The following C12orf42 variants were observed in gnomAD, a reference collection of about 807,000 sequenced individuals.
C12orf42 encodes uncharacterized protein C12orf42.
C12orf42 carries 25 observed loss-of-function variants against 21.6 expected under a neutral mutation model. The ratio of observed to expected loss-of-function variants is 1.16; its 90% CI spans 0.84 to 1.62. The LOEUF (loss-of-function observed/expected upper bound fraction) is 1.62. Among genes scored for constraint, C12orf42 ranks in the 40% most tolerant of loss-of-function variants. The pLI is 0.00. For missense variants in C12orf42, 483 were observed against 459.3 expected, an observed-to-expected ratio of 1.05 and a Z score of -0.47; for synonymous variants, 174 against 175.0, an observed-to-expected ratio of 0.99 and a Z score of 0.05.
intron 2 of C12orf42, among the ~76,000 whole-genome samples, chr12:103,472,445 C>T (rs1156913070): frequency 6.6e-6 from 1 of 152,172 alleles, no homozygotes; most frequent in Non-Finnish European, 1.5e-5. Context: ...CTATTTGGTA[C>T]ATTTAGCAAA....
At chr12:103,523,392 A>G in the C12orf42 span, among the ~76,000 whole-genome samples, 6 of 152,140 alleles carry the variant, frequency 3.9e-5, no homozygotes, top group African/African-American at 1.4e-4. Context: ...TGTCTTCTCT[A>G]TCAATAATAG....
chr12:103,216,788 T>A, the C12orf42 span, among the ~76,000 whole-genome samples: 1 of 152,226 alleles, frequency 6.6e-6, no homozygotes, highest in South Asian at 2.1e-4. Context: ...TTCCCCAAGG[T>A]CACACTGAGG....
the C12orf42 span, among the ~76,000 whole-genome samples, chr12:103,216,630 G>A: frequency 5.3e-5 from 8 of 151,694 alleles, no homozygotes; most frequent in Non-Finnish European, 7.4e-5. Context: ...CACCCGCCTC[G>A]GCCTCCTAAA....
intron 1 of C12orf42, among the ~76,000 whole-genome samples, chr12:103,482,890 C>T (rs1481705454): frequency 6.6e-6 from 1 of 152,072 alleles, no homozygotes; most frequent in Non-Finnish European, 1.5e-5. Flanking sequence ...TTCTTATCTA[C>T]TATTTAACTT....
chr12:103,507,936 C>G, the C12orf42 span, among the ~76,000 whole-genome samples: 3 of 152,100 alleles, frequency 2.0e-5, no homozygotes, highest in African/African-American at 7.2e-5. Flanking sequence ...GTGCCTCAAC[C>G]CCGACTACCG....
intron 4 of C12orf42, among the ~76,000 whole-genome samples, chr12:103,322,119 GCGCGCGCACA>G (rs796312096): frequency 2.7e-4 from 25 of 93,924 alleles, no homozygotes; most frequent in South Asian, 2.3e-3. Context: ...GCGTGCGCGC[GCGCGCGCACA>G]CACACACACA....
At position 103,495,750 on chromosome 12, in the gene C12orf42, C is replaced by T. The variant is rs916541451; in HGVS notation, c.-22+152G>A. 10 of 152,454 alleles carry T rather than the reference C, an allele frequency of 6.6e-5. No homozygotes were observed. In the East Asian group the frequency reaches 9.7e-4, roughly 15 times the overall value. The allele number at this position is 152,454 out of a possible 1,614,324, so 9.4% of individuals were successfully genotyped here. A position where few individuals can be genotyped will look rare whatever the true frequency, so the allele number is the denominator to read the frequency against. On this transcript the variant is annotated intron_variant, in intron 1 of 5. Transcript: ENST00000548883. ...GCTCGGGGGCCGGCGACCACCGCGACGGGTTCCGCCGCTTGCCTCCGCTCC... is the reference window on the plus strand; with the variant it reads ...GCTCGGGGGCCGGCGACCACCGCGATGGGTTCCGCCGCTTGCCTCCGCTCC...
chr12:103,304,665 T>C (rs2038087982), intron 5 of C12orf42, among the ~76,000 whole-genome samples: 1 of 152,194 alleles, frequency 6.6e-6, no homozygotes, highest in Admixed American at 6.5e-5. Flanking sequence ...AAGAGAGTCA[T>C]GAGGATCAAA....
At chr12:103,123,160 G>A in the C12orf42 span, among the ~76,000 whole-genome samples, 155 of 152,308 alleles carry the variant, frequency 1.0e-3, no homozygotes, top group Admixed American at 5.0e-3. Context: ...AGAATTTATC[G>A]TGGTCGGTGT....
At chr12:103,106,535 T>C in the C12orf42 span, among the ~76,000 whole-genome samples, 1 of 151,964 alleles carries the variant, frequency 6.6e-6, no homozygotes, top group South Asian at 2.1e-4. Context: ...GCATGAGTGA[T>C]CTAAGTTTTT....
At chr12:103,252,994 G>T (rs987572778) in intron 10 of C12orf42, among the ~76,000 whole-genome samples, 2 of 152,118 alleles carry the variant, frequency 1.3e-5, no homozygotes, top group African/African-American at 2.4e-5. Flanking sequence ...AAGGTGTAAG[G>T]AAGGGGTCCA....
At chr12:103,324,803 T>G (rs1031443315) in intron 4 of C12orf42, among the ~76,000 whole-genome samples, 7 of 152,192 alleles carry the variant, frequency 4.6e-5, no homozygotes, top group Admixed American at 2.6e-4. Flanking sequence ...AAGAAAAAAC[T>G]GCAGTGGCAG....
At chr12:103,192,958 T>C in the C12orf42 span, among the ~76,000 whole-genome samples, 1 of 152,134 alleles carries the variant, frequency 6.6e-6, no homozygotes. Context: ...CAAGCACATA[T>C]GGAACATTCT....
At chr12:103,545,049 C>T in the C12orf42 span, among the ~76,000 whole-genome samples, 31,213 of 152,128 alleles carry the variant, frequency 0.21, 3,503 homozygotes, top group Non-Finnish European at 0.26. Context: ...GCTGGGGCTT[C>T]AGCAAGTAGC....
intron 2 of C12orf42, among the ~76,000 whole-genome samples, chr12:103,464,976 G>A (rs548048282): frequency 5.9e-5 from 9 of 152,284 alleles, no homozygotes; most frequent in African/African-American, 2.2e-4. Context: ...TAGCCTTGTA[G>A]TGTAGTTTGA....
the C12orf42 span, among the ~76,000 whole-genome samples, chr12:103,074,806 C>A: frequency 2.6e-5 from 4 of 152,228 alleles, no homozygotes; most frequent in African/African-American, 9.6e-5. Context: ...AACATTCACT[C>A]GGGACATAAT....
At chr12:103,166,095 A>T in the C12orf42 span, among the ~76,000 whole-genome samples, 1 of 152,160 alleles carries the variant, frequency 6.6e-6, no homozygotes, top group East Asian at 1.9e-4. Context: ...GAAGGAAGGA[A>T]GGAAGAAACC....
At chr12:103,347,840 A>T (rs887106707) in intron 4 of C12orf42, among the ~76,000 whole-genome samples, 2 of 152,174 alleles carry the variant, frequency 1.3e-5, no homozygotes, top group Non-Finnish European at 2.9e-5. Flanking sequence ...CCAACCCTAG[A>T]AAGCAAAGGT....
the C12orf42 span, among the ~76,000 whole-genome samples, chr12:103,188,758 A>G: frequency 6.6e-6 from 1 of 152,182 alleles, no homozygotes; most frequent in African/African-American, 2.4e-5. Flanking sequence ...TTCTGCCATG[A>G]TTGTAAGCTT....
Sources: gnomAD v4.1 joint callset for allele counts (sites outside exome capture counted in the v4.1 genomes callset) on GRCh38, gnomAD v4.1.1 for gene constraint, MANE v1.5 for transcripts, NCBI Gene and HGNC (gene_info 2026-07-23, HGNC 2026-07-21) for gene names.